The following TMEM132D variants were observed in gnomAD, a reference collection of about 807,000 sequenced individuals.
The protein encoded by TMEM132D is mature OL transmembrane protein.
Under a neutral mutation model 62.3 loss-of-function variants are expected in TMEM132D, and 21 were observed. The ratio of observed to expected loss-of-function variants is 0.34; its 90% CI spans 0.24 to 0.49. The LOEUF is 0.49. Ranked by LOEUF, TMEM132D falls within the 20% of genes least tolerant of loss-of-function variation. The pLI is 0.99. For synonymous variants in TMEM132D, 621 were observed against 575.6 expected (o/e 1.08, Z -1.13); for missense variants, 1,346 against 1,402.8 (o/e 0.96, Z 0.65).
chr12:129,543,277 GGTGA>G (rs540777378), intron 2 of TMEM132D, among the ~76,000 whole-genome samples: 56 of 119,186 alleles, frequency 4.7e-4, no homozygotes, highest in African/African-American at 1.8e-3. Context: ...ATGAGTAGGG[GGTGA>G]GTAAGTGGGT....
At chr12:129,741,999 A>G (rs1869624575) in intron 1 of TMEM132D, among the ~76,000 whole-genome samples, 1 of 152,190 alleles carries the variant, frequency 6.6e-6, no homozygotes, top group South Asian at 2.1e-4. Context: ...CAACATCTAC[A>G]TCTTTAGCAT....
chr12:129,337,503 T>C (rs1869329641), intron 4 of TMEM132D, 131 bp downstream of exon 4: 1 of 1,007,326 alleles, frequency 9.9e-7, no homozygotes, highest in Admixed American at 2.3e-5. Flanking sequence ...GTCAACTTTG[T>C]GGTTTCGTTT....
chr12:129,481,753 G>C (rs961710494), intron 3 of TMEM132D, among the ~76,000 whole-genome samples: 1 of 152,250 alleles, frequency 6.6e-6, no homozygotes. Context: ...GAGTGATCTA[G>C]CAGTGTTTAT....
chr12:129,300,230 G>A lies in TMEM132D; in HGVS notation c.1299+37404C>T, dbSNP rs1249911905. ...GTCTGAATCCAATACTCTCAAGGCC[G>A]ACCAACACTCAGAGAAGTGATTAAC... On this transcript the variant is annotated intron_variant, in intron 4 of 8. Transcript: ENST00000422113. Among the ~76,000 whole-genome samples the A allele has an allele frequency of 3.9e-5, 6 of 152,114 alleles. No homozygotes were observed. In the East Asian group the frequency reaches 7.7e-4, roughly 20 times the overall value.
intron 3 of TMEM132D, among the ~76,000 whole-genome samples, chr12:129,400,961 T>C (rs1871603921): frequency 6.6e-6 from 1 of 152,110 alleles, no homozygotes; most frequent in South Asian, 2.1e-4. Context: ...GCACACACGA[T>C]TAAGTGTGTG....
intron 4 of TMEM132D, among the ~76,000 whole-genome samples, chr12:129,291,530 TG>T (rs1382401000): frequency 3.3e-5 from 5 of 152,202 alleles, no homozygotes; most frequent in Non-Finnish European, 7.3e-5. Context: ...TCCACCTGGA[TG>T]GGTCAACTTT....
intron 2 of TMEM132D, among the ~76,000 whole-genome samples, chr12:129,586,973 A>C (rs940679809): frequency 3.9e-5 from 6 of 152,212 alleles, no homozygotes; most frequent in African/African-American, 1.4e-4. Flanking sequence ...AATCCCTCAC[A>C]ACACAGTAGG....
chr12:129,739,881 T>A (rs1239790360), intron 1 of TMEM132D, among the ~76,000 whole-genome samples: 1 of 152,226 alleles, frequency 6.6e-6, no homozygotes, highest in African/African-American at 2.4e-5. Context: ...CTGGCACTAC[T>A]GTGCTCGAGG....
At chr12:129,227,967 C>T (rs146794916) in intron 4 of TMEM132D, among the ~76,000 whole-genome samples, 5 of 152,196 alleles carry the variant, frequency 3.3e-5, no homozygotes, top group Admixed American at 2.6e-4. Flanking sequence ...ACGGTGTATA[C>T]GTTTATTACC....
At chr12:129,604,431 A>T (rs1462996165) in intron 2 of TMEM132D, among the ~76,000 whole-genome samples, 3 of 152,192 alleles carry the variant, frequency 2.0e-5, no homozygotes, top group Non-Finnish European at 4.4e-5. Flanking sequence ...TTGGGCATTT[A>T]TGAATAAAGG....
chr12:129,155,349 T>C (rs938342960), intron 5 of TMEM132D, among the ~76,000 whole-genome samples: 2 of 152,244 alleles, frequency 1.3e-5, no homozygotes, highest in Non-Finnish European at 2.9e-5. Context: ...TCTTTACCTT[T>C]AACCACAATG....
chr12:129,722,339 ACT>A (rs1325457516), intron 1 of TMEM132D, among the ~76,000 whole-genome samples: 1 of 47,432 alleles, frequency 2.1e-5, no homozygotes, highest in Non-Finnish European at 7.4e-5. Context: ...ACTGCCTGTC[ACT>A]CTTCCCCTAG....
At chr12:129,794,256 T>C (rs1871494413) in intron 1 of TMEM132D, among the ~76,000 whole-genome samples, 1 of 81,292 alleles carries the variant, frequency 1.2e-5, no homozygotes, top group Non-Finnish European at 2.4e-5. Context: ...GCCCAGCATT[T>C]TTTTTTTTTT....
At chr12:129,578,426 A>ATGTGTGTGTG (rs1555219556) in intron 2 of TMEM132D, among the ~76,000 whole-genome samples, 1 of 140,456 alleles carries the variant, frequency 7.1e-6, no homozygotes, top group South Asian at 2.4e-4. Context: ...GTGTGTGTGT[A>ATGTGTGTGTG]TATATATATA....
At chr12:129,231,974 G>A (rs535402008) in intron 4 of TMEM132D, among the ~76,000 whole-genome samples, 1 of 152,132 alleles carries the variant, frequency 6.6e-6, no homozygotes. Context: ...TCTGGGGAGT[G>A]GGACACAGGC....
rs549184917 is a variant in TMEM132D, at chr12:129,192,896, C to T, written c.1443+16624G>A. Among the ~76,000 whole-genome samples the T allele has an allele frequency of 1.5e-4, 23 of 152,246 alleles. No homozygotes were observed. In the South Asian group the frequency reaches 3.3e-3, roughly 22 times the overall value. On this transcript the variant is annotated intron_variant, in intron 5 of 8. Transcript: ENST00000422113. The stretch of plus-strand genomic sequence containing the variant: ...TTCAAAAATTATATAACAGGCCAGG[C>T]GCGGTGGCTCACGCCTGTAATCCCA...
chr12:129,627,175 C>T (rs1362201308), intron 2 of TMEM132D, among the ~76,000 whole-genome samples: 7 of 152,084 alleles, frequency 4.6e-5, no homozygotes, highest in African/African-American at 1.5e-4. Context: ...CACCTGACCT[C>T]CCCAAACAGT....
At chr12:129,577,949 A>C (rs768849325) in intron 2 of TMEM132D, among the ~76,000 whole-genome samples, 8 of 152,222 alleles carry the variant, frequency 5.3e-5, no homozygotes, top group South Asian at 4.1e-4. Context: ...CATTTGAATC[A>C]GCAGACAGAG....
At chr12:129,184,775 CT>C (rs2135552913) in intron 5 of TMEM132D, among the ~76,000 whole-genome samples, 1 of 151,282 alleles carries the variant, frequency 6.6e-6, no homozygotes, top group South Asian at 2.1e-4. Flanking sequence ...ATGGGACACA[CT>C]TTCTCTTTCT....
Sources: allele counts gnomAD v4.1 joint callset (sites outside exome capture counted in the v4.1 genomes callset), GRCh38; gene constraint gnomAD v4.1.1; transcripts MANE v1.5; gene names NCBI Gene and HGNC (gene_info 2026-07-23, HGNC 2026-07-21).